Variants in IGF2BP2 observed in about 807,000 individuals in gnomAD.
IGF2BP2 encodes the protein insulin like growth factor 2 mRNA binding protein 2, also known as insulin-like growth factor 2 mRNA-binding protein 2.
IGF2BP2 carries 17 observed loss-of-function variants against 75.8 expected under a neutral mutation model. The ratio of observed to expected loss-of-function variants is 0.22; its 90% CI spans 0.15 to 0.34. The LOEUF is 0.34. Ranked by LOEUF, IGF2BP2 falls within the 10% of genes least tolerant of loss-of-function variation. The probability of loss-of-function intolerance (pLI) is 1.00; values close to 1 mark genes in which losing one functional copy is unlikely to be tolerated. For missense variants in IGF2BP2, 516 were observed against 772.4 expected, an observed-to-expected ratio of 0.67 and a Z score of 3.93; for synonymous variants, 288 against 295.6, an observed-to-expected ratio of 0.97 and a Z score of 0.26.
rs1479498896 is a variant in IGF2BP2 at position 185,643,816 on chromosome 3, T to C, written c.*1715A>G. 6.7e-6 allele frequency: 1 copy of C among 150,088 alleles called. No homozygotes were observed. Among genetic ancestry groups the C allele is most frequent in the African/African-American group, 2.5e-5 (1 of 40,554 alleles). 9.3% of individuals were successfully genotyped at this position (150,088 alleles called of 1,614,324 possible). ...TTTTTTTTTGTCACAGAACACTGTT[T>C]GCAGTAGAGGAAACTGGCATTGCAG... is the stretch of plus-strand genomic sequence containing the variant. On this transcript the variant is annotated 3_prime_UTR_variant, in exon 16 of 16. Transcript: ENST00000382199.
intron 2 of IGF2BP2, among the ~76,000 whole-genome samples, chr3:185,718,593 G>A (rs1726012926): frequency 6.8e-6 from 1 of 147,250 alleles, no homozygotes; most frequent in African/African-American, 2.5e-5. Context: ...GCTGAGGCAG[G>A]AGAATCGCTT....
chr3:185,663,602 T>G (rs1281061928), intron 10 of IGF2BP2, among the ~76,000 whole-genome samples: 1 of 152,158 alleles, frequency 6.6e-6, no homozygotes, highest in African/African-American at 2.4e-5. Flanking sequence ...TAGGTGATAT[T>G]CTGAAGCATG....
At chr3:185,660,360 G>C (rs1354791525) in intron 10 of IGF2BP2, among the ~76,000 whole-genome samples, 1 of 152,188 alleles carries the variant, frequency 6.6e-6, no homozygotes, top group African/African-American at 2.4e-5. Context: ...CACAGTGACA[G>C]GCAATGCCCT....
intron 9 of IGF2BP2, among the ~76,000 whole-genome samples, chr3:185,674,057 C>T (rs544584625): frequency 6.6e-6 from 1 of 152,230 alleles, no homozygotes; most frequent in Admixed American, 6.5e-5. Context: ...TGTCATGTGA[C>T]GTGGGCTGCT....
In IGF2BP2 at chr3:185,687,929, CA is replaced by C. The variant is rs1461316897; in HGVS notation, c.678-739del. Among the ~76,000 whole-genome samples the C allele has an allele frequency of 3.9e-5, 6 of 151,936 alleles. No individual in the cohort carries two copies. In the East Asian group the frequency reaches 5.8e-4, roughly 15 times the overall value. Reference sequence around the variant, plus strand: ...ACCCCACTTCTATTTAAACTTGTTACATTTTTTTTTCAAGCCACCTTACACA... The same window carrying C: ...ACCCCACTTCTATTTAAACTTGTTACTTTTTTTTTCAAGCCACCTTACACA... On this transcript the variant is annotated intron_variant, in intron 6 of 15. Transcript: ENST00000382199.
intron 10 of IGF2BP2, among the ~76,000 whole-genome samples, chr3:185,671,438 G>A (rs1183305881): frequency 6.6e-6 from 1 of 151,090 alleles, no homozygotes; most frequent in Non-Finnish European, 1.5e-5. Flanking sequence ...TTGGGATGCT[G>A]AGGCACGAGA....
chr3:185,705,305 C>T (rs1723867752), intron 2 of IGF2BP2, among the ~76,000 whole-genome samples: 1 of 152,126 alleles, frequency 6.6e-6, no homozygotes, highest in Non-Finnish European at 1.5e-5. Flanking sequence ...CCATGTTGGC[C>T]AGGGTGGTCT....
intron 2 of IGF2BP2, among the ~76,000 whole-genome samples, chr3:185,739,225 T>C (rs945322021): frequency 6.6e-6 from 1 of 152,190 alleles, no homozygotes; most frequent in Non-Finnish European, 1.5e-5. Flanking sequence ...TGTACTAGGT[T>C]ACAAGCCTCT....
chr3:185,765,220 ACT>A (rs1034418694), intron 2 of IGF2BP2, among the ~76,000 whole-genome samples: 22 of 152,128 alleles, frequency 1.4e-4, no homozygotes, highest in African/African-American at 4.8e-4. Flanking sequence ...TGCTCTACAC[ACT>A]GTTTCCCCCT....
rs372086156 is a variant in IGF2BP2 at position 185,764,819 on chromosome 3, C to T, written c.239+58334G>A. On this transcript the variant is annotated intron_variant, in intron 2 of 15. Transcript: ENST00000382199. ...GTTGACCTGTGTCAAAATCCCCTGA[C>T]AGGCTTTATTTGTCAAGTCAGTTCT... is the stretch of plus-strand genomic sequence containing the variant. Among the ~76,000 whole-genome samples, 43 of 152,318 alleles carry T rather than the reference C, an allele frequency of 2.8e-4. No homozygotes were observed. The East Asian group carries it at 7.3e-3, about 26-fold the overall frequency.
At chr3:185,665,608 A>G (rs181272325) in intron 10 of IGF2BP2, among the ~76,000 whole-genome samples, 32 of 143,354 alleles carry the variant, frequency 2.2e-4, no homozygotes, top group South Asian at 1.9e-3. Flanking sequence ...AAGGAAGAAG[A>G]AGGAGGAGGA....
intron 15 of IGF2BP2, chr3:185,646,776 A>T (rs1353656399): frequency 9.9e-6 from 5 of 506,046 alleles, no homozygotes; most frequent in Non-Finnish European, 1.8e-5. Context: ...GGCTTTGCTT[A>T]AGCGCTTAAC....
intron 2 of IGF2BP2, among the ~76,000 whole-genome samples, chr3:185,772,879 GC>G (rs1244905744): frequency 6.6e-6 from 1 of 152,100 alleles, no homozygotes; most frequent in Non-Finnish European, 1.5e-5. Context: ...ACCGTGCCCG[GC>G]CCTTTCCTTC....
intron 2 of IGF2BP2, among the ~76,000 whole-genome samples, chr3:185,798,787 C>CTTTTTTTTTTTTTTTTTT (rs1260800467): frequency 7.5e-6 from 1 of 133,142 alleles, no homozygotes; most frequent in South Asian, 2.5e-4. Context: ...TTTCTTTTTT[C>CTTTTTTTTTTTTTTTTTT]TTTTTTTCTT....
intron 10 of IGF2BP2, among the ~76,000 whole-genome samples, chr3:185,668,606 A>AG (rs1370255587): frequency 2.0e-5 from 3 of 149,328 alleles, no homozygotes; most frequent in African/African-American, 7.3e-5. Flanking sequence ...ACTATGAACT[A>AG]TTGTTCACTA....
chr3:185,702,038 G>A (rs1723378150), intron 2 of IGF2BP2, among the ~76,000 whole-genome samples: 1 of 152,138 alleles, frequency 6.6e-6, no homozygotes, highest in South Asian at 2.1e-4. Flanking sequence ...TTTCCAGAAT[G>A]TCTCCAGAAA....
chr3:185,692,506 G>A (rs1482784693), intron 5 of IGF2BP2, among the ~76,000 whole-genome samples, 193 bp downstream of exon 5: 2 of 152,160 alleles, frequency 1.3e-5, no homozygotes. Context: ...AAGATGGCAG[G>A]AACACCCTGG....
At chr3:185,707,272 A>T (rs1256932474) in intron 2 of IGF2BP2, among the ~76,000 whole-genome samples, 3 of 91,026 alleles carry the variant, frequency 3.3e-5, no homozygotes, top group Non-Finnish European at 2.3e-5. Context: ...TTTTAAATTT[A>T]TATTCAGTGT....
chr3:185,675,160 G>A (rs1227710998), intron 9 of IGF2BP2, 136 bp downstream of exon 9: 1 of 801,368 alleles, frequency 1.2e-6, no homozygotes, highest in Non-Finnish European at 1.9e-6. Context: ...TTGGTTTCCT[G>A]ATTATTTTAA....
Sources: allele counts gnomAD v4.1 joint callset (sites outside exome capture counted in the v4.1 genomes callset), GRCh38; gene constraint gnomAD v4.1.1; transcripts MANE v1.5; gene names NCBI Gene and HGNC (gene_info 2026-07-23, HGNC 2026-07-21).